The following NRCAM variants were observed in gnomAD, a reference collection of about 807,000 sequenced individuals.
NRCAM encodes the protein NgCAM-related cell adhesion molecule.
NRCAM carries 83 observed loss-of-function variants against 156.5 expected under a neutral mutation model. The ratio of observed to expected loss-of-function variants is 0.53; its 90% CI spans 0.44 to 0.64. The LOEUF is 0.64. Ranked by LOEUF, NRCAM falls within the 30% of genes least tolerant of loss-of-function variation. The pLI, the probability that NRCAM is intolerant of heterozygous loss-of-function variation, is 0.00. For synonymous variants in NRCAM, 538 were observed against 563.9 expected, an observed-to-expected ratio of 0.95 and a Z score of 0.65; for missense variants, 1,417 against 1,597.3, an observed-to-expected ratio of 0.89 and a Z score of 1.92.
chr7:108,291,053 T>C (rs1005492588), intron 3 of NRCAM, among the ~76,000 whole-genome samples: 5 of 152,246 alleles, frequency 3.3e-5, no homozygotes, highest in East Asian at 1.9e-4. Flanking sequence ...ACATTTCCAA[T>C]GCGAAAACCG....
At chr7:108,434,857 A>G (rs922557483) in intron 1 of NRCAM, among the ~76,000 whole-genome samples, 33 of 152,230 alleles carry the variant, frequency 2.2e-4, no homozygotes, top group Admixed American at 2.0e-3. Flanking sequence ...AAGACATGCC[A>G]CAGATTTACT....
intron 1 of NRCAM, among the ~76,000 whole-genome samples, chr7:108,428,250 C>T (rs1057230877): frequency 6.6e-6 from 1 of 152,058 alleles, no homozygotes; most frequent in Non-Finnish European, 1.5e-5. Context: ...GAAAAGGTGG[C>T]CTTTATTTTT....
chr7:108,183,020 C>T (rs1227333168), intron 22 of NRCAM, 100 bp from the exon 23 acceptor site: 13 of 924,518 alleles, frequency 1.4e-5, no homozygotes, highest in Middle Eastern at 2.1e-4. Context: ...AGAAAGTGAT[C>T]ATTGAAATAC....
At chr7:108,450,733 T>C (rs748387821) in intron 1 of NRCAM, among the ~76,000 whole-genome samples, 4 of 152,216 alleles carry the variant, frequency 2.6e-5, no homozygotes, top group South Asian at 2.1e-4. Flanking sequence ...ATGCCATCAA[T>C]GCTGGCTTAT....
At chr7:108,272,140 C>T (rs532305994) in intron 3 of NRCAM, among the ~76,000 whole-genome samples, 1 of 152,188 alleles carries the variant, frequency 6.6e-6, no homozygotes, top group Non-Finnish European at 1.5e-5. Context: ...TCTAAAATTA[C>T]TCAAGAAGGC....
At chr7:108,176,378 T>C (rs771661129) in intron 27 of NRCAM, 52 bp downstream of exon 27, 1 of 1,525,566 alleles carries the variant, frequency 6.6e-7, no homozygotes, top group South Asian at 1.2e-5. Flanking sequence ...ACTTAAAGAT[T>C]TTTATTTCAT....
intron 3 of NRCAM, among the ~76,000 whole-genome samples, chr7:108,241,152 A>T (rs906066732): frequency 3.3e-5 from 5 of 152,212 alleles, no homozygotes; most frequent in Middle Eastern, 3.2e-3. Flanking sequence ...TGTTGTAAAC[A>T]TCACATACAT....
At position 108,393,229 on chromosome 7, in the gene NRCAM, C is replaced by T. The variant is rs149392232; in HGVS notation, c.-174+6207G>A. On this transcript the variant is annotated intron_variant, in intron 2 of 32. Transcript: ENST00000379028. ...TGGACTCTACCCAGTTCGAGCTTCC[C>T]GGCAGCTTTGTTTATCTACTCAAGC... Among the ~76,000 whole-genome samples the T allele has an allele frequency of 5.1e-3, 770 of 152,254 alleles. 12 individuals carry two copies. The highest frequency in any genetic ancestry group is 0.017 in the African/African-American group (726 of 41,550).
chr7:108,241,108 A>T lies in NRCAM; in HGVS notation c.-106-938T>A, dbSNP rs140501386. ...CAGCTGATCACCCGAACTAGAAGTT[A>T]TTTCACCACCACCCCTGAATTCCTG... On this transcript the variant is annotated intron_variant, in intron 3 of 32. Transcript: ENST00000379028. Among the ~76,000 whole-genome samples the T allele has an allele frequency of 2.1e-4, 32 of 152,296 alleles. 1 individual carries two copies. The East Asian group carries it at 5.2e-3, about 25-fold the overall frequency.
At chr7:108,280,601 TA>T (rs2154085865) in intron 3 of NRCAM, among the ~76,000 whole-genome samples, 1 of 152,350 alleles carries the variant, frequency 6.6e-6, no homozygotes, top group Non-Finnish European at 1.5e-5. Context: ...ATGATGAGAT[TA>T]ACCTAGAACT....
intron 2 of NRCAM, among the ~76,000 whole-genome samples, chr7:108,315,795 T>C (rs1245969544): frequency 6.6e-6 from 1 of 152,244 alleles, no homozygotes; most frequent in Non-Finnish European, 1.5e-5. Context: ...GATCATGCTT[T>C]ACCTTTCAGA....
intron 30 of NRCAM, among the ~76,000 whole-genome samples, chr7:108,166,341 G>A (rs1281534749): frequency 1.3e-5 from 2 of 150,466 alleles, no homozygotes; most frequent in Admixed American, 6.7e-5. Flanking sequence ...TCTGCCTCCC[G>A]GGTTCAAGTG....
chr7:108,322,154 G>A (rs1468474076), intron 2 of NRCAM, among the ~76,000 whole-genome samples: 5 of 151,586 alleles, frequency 3.3e-5, no homozygotes, highest in African/African-American at 7.3e-5. Context: ...TAGACATTTC[G>A]TTTTTTTTCA....
intron 3 of NRCAM, among the ~76,000 whole-genome samples, chr7:108,311,916 C>T (rs532101523): frequency 6.6e-6 from 1 of 152,256 alleles, no homozygotes; most frequent in East Asian, 1.9e-4. Flanking sequence ...TCTGAACAAT[C>T]GTGCTCTCAT....
intron 14 of NRCAM, among the ~76,000 whole-genome samples, 160 bp from the exon 15 acceptor site, chr7:108,196,032 T>C (rs1464126514): frequency 6.6e-6 from 1 of 152,200 alleles, no homozygotes; most frequent in Non-Finnish European, 1.5e-5. Context: ...TGCCAGTCAC[T>C]CAAGGCAGAA....
At chr7:108,401,912 T>G (rs993110817) in intron 1 of NRCAM, among the ~76,000 whole-genome samples, 3 of 152,226 alleles carry the variant, frequency 2.0e-5, no homozygotes, top group Admixed American at 6.5e-5. Context: ...GGAGTCTCCA[T>G]GGTGTGGTGC....
chr7:108,151,369 A>G (rs543279870), intron 32 of NRCAM, among the ~76,000 whole-genome samples: 1 of 152,300 alleles, frequency 6.6e-6, no homozygotes, highest in African/African-American at 2.4e-5. Context: ...GCAGTATTTA[A>G]TCTAGCAATT....
intron 3 of NRCAM, among the ~76,000 whole-genome samples, chr7:108,304,728 A>T (rs1249113548): frequency 1.3e-5 from 2 of 152,190 alleles, no homozygotes; most frequent in Non-Finnish European, 2.9e-5. Context: ...ATGATTACTG[A>T]ACATGCTTCT....
At chr7:108,279,117 A>G (rs1285610302) in intron 3 of NRCAM, among the ~76,000 whole-genome samples, 1 of 152,206 alleles carries the variant, frequency 6.6e-6, no homozygotes. Flanking sequence ...TAAAGACTAT[A>G]TGGTAAGAGA....
Sources: gnomAD v4.1 joint callset for allele counts (sites outside exome capture counted in the v4.1 genomes callset) on GRCh38, gnomAD v4.1.1 for gene constraint, MANE v1.5 for transcripts, NCBI Gene and HGNC (gene_info 2026-07-23, HGNC 2026-07-21) for gene names.